The following ACER3 variants were observed in gnomAD, a reference collection of about 807,000 sequenced individuals.
ACER3 encodes alkCDase 3.
A neutral mutation model predicts 48.9 loss-of-function variants in ACER3; 16 were observed. That is an observed-to-expected ratio of 0.33 (90% CI 0.22 to 0.50). ACER3 has a LOEUF of 0.50. Among genes scored for constraint, ACER3 ranks in the 20% least tolerant of loss-of-function variants. The pLI is 0.98. For synonymous variants in ACER3, 109 were observed against 107.8 expected, an observed-to-expected ratio of 1.01 and a Z score of -0.07; for missense variants, 227 against 326.0, an observed-to-expected ratio of 0.70 and a Z score of 2.34.
chr11:76,861,796 C>T (rs565344896), intron 1 of ACER3, among the ~76,000 whole-genome samples: 1 of 152,304 alleles, frequency 6.6e-6, no homozygotes, highest in South Asian at 2.1e-4. Flanking sequence ...AGTCCCTGCT[C>T]CATTCTGTCC....
rs984131175 is a variant in ACER3 at position 77,026,119 on chromosome 11, A to G, written c.*5792A>G. ...CAATATAAAGGGAATTCCATTCTAT[A>G]CTGTAAAATCCAAAAATGCTAGTTG... On this transcript the variant is annotated 3_prime_UTR_variant, in exon 11 of 11. Coordinates refer to ENST00000532485, the MANE Select transcript of ACER3 (RefSeq NM_018367.7). 2.6e-5 allele frequency: 4 copies of G among 152,204 alleles called. No individual in the cohort carries two copies. Among genetic ancestry groups the G allele is most frequent in the Non-Finnish European group, 5.9e-5 (4 of 68,034 alleles). The allele number at this position is 152,204 out of a possible 1,614,324, so 9.4% of individuals were successfully genotyped here.
intron 6 of ACER3, among the ~76,000 whole-genome samples, chr11:76,997,965 C>T (rs1948950510): frequency 6.6e-6 from 1 of 152,056 alleles, no homozygotes; most frequent in African/African-American, 2.4e-5. Flanking sequence ...TAAAGAAAAG[C>T]AAAACAATGT....
At chr11:76,955,605 A>G (rs1345487337) in intron 2 of ACER3, 1 of 152,190 alleles carries the variant, frequency 6.6e-6, no homozygotes, top group Non-Finnish European at 1.5e-5. Flanking sequence ...GAGAAGAAGC[A>G]AGCTTCAGTG....
chr11:76,924,367 T>C (rs1946762061), intron 1 of ACER3, among the ~76,000 whole-genome samples: 1 of 152,054 alleles, frequency 6.6e-6, no homozygotes, highest in African/African-American at 2.4e-5. Flanking sequence ...TTTATTTATG[T>C]ATTTATTTAT....
At chr11:76,940,967 A>G (rs1947322842) in intron 2 of ACER3, among the ~76,000 whole-genome samples, 1 of 151,616 alleles carries the variant, frequency 6.6e-6, no homozygotes, top group Admixed American at 6.6e-5. Context: ...TCTTGTTTGA[A>G]TTTTACACTG....
At position 76,965,804 on chromosome 11, in the gene ACER3, G is replaced by C. The variant is rs373014942; in HGVS notation, c.267+6773G>C. 1.0e-3 allele frequency among the ~76,000 whole-genome samples: 152 copies of C among 151,280 alleles called. 2 individuals are homozygous for C. The East Asian group carries it at 0.025, about 25-fold the overall frequency. ...GCCCTGCCCTAAAAGAGCTCCTGAA[G>C]GAAGCACTAAACATGGAAAGGAACA... On this transcript the variant is annotated intron_variant, in intron 3 of 10. Coordinates refer to ENST00000532485, the MANE Select transcript of ACER3 (RefSeq NM_018367.7).
At chr11:76,863,217 C>T (rs1241111309) in intron 1 of ACER3, among the ~76,000 whole-genome samples, 1 of 151,974 alleles carries the variant, frequency 6.6e-6, no homozygotes, top group Non-Finnish European at 1.5e-5. Flanking sequence ...AGAGTTAGAC[C>T]CTATTTCTAC....
intron 1 of ACER3, among the ~76,000 whole-genome samples, chr11:76,899,181 T>A (rs939310446): frequency 9.9e-5 from 15 of 152,180 alleles, no homozygotes; most frequent in Non-Finnish European, 2.2e-4. Flanking sequence ...ACAACACTAC[T>A]AATATAATAG....
intron 1 of ACER3, among the ~76,000 whole-genome samples, chr11:76,882,453 T>C (rs1265160400): frequency 1.3e-5 from 2 of 152,222 alleles, no homozygotes; most frequent in Non-Finnish European, 2.9e-5. Flanking sequence ...TTTTCAGTTG[T>C]AGAGTGTCCA....
At chr11:77,012,416 CAAAAAAAAAAAAAA>C (rs35917677) in intron 7 of ACER3, among the ~76,000 whole-genome samples, 4 of 21,386 alleles carry the variant, frequency 1.9e-4, no homozygotes, top group African/African-American at 5.8e-4. Flanking sequence ...GACTCCATCT[CAAAAAAAAAAAAAA>C]AAAAAAAAAA....
intron 5 of ACER3, among the ~76,000 whole-genome samples, chr11:76,989,161 A>G (rs1317580931): frequency 6.6e-6 from 1 of 152,016 alleles, no homozygotes; most frequent in Non-Finnish European, 1.5e-5. Flanking sequence ...GATTAAAAGC[A>G]TTCTCCCTTA....
rs1949527781 is a variant in ACER3 at position 77,024,841 on chromosome 11, CA to C, written c.*4516del. 1 of 152,132 alleles carries C rather than the reference CA, an allele frequency of 6.6e-6. No individual in the cohort carries two copies. The allele number at this position is 152,132 out of a possible 1,614,324, so 9.4% of individuals were successfully genotyped here. A position where few individuals can be genotyped will look rare whatever the true frequency, so the allele number is the denominator to read the frequency against. ...GGCAGCTAGTGTAGAAGACTGGTCA[CA>C]AGAATTTTTTTTTAAATAGAAAACC... On this transcript the variant is annotated 3_prime_UTR_variant, in exon 11 of 11. Transcript: ENST00000532485.
chr11:77,015,393 C>T, intron 8 of ACER3: 1 of 254,952 alleles, frequency 3.9e-6, no homozygotes, highest in East Asian at 9.7e-5. Flanking sequence ...GTTGACTATT[C>T]CTTTGAAACA....
At chr11:76,969,753 C>T (rs1411652840) in intron 3 of ACER3, among the ~76,000 whole-genome samples, 7 of 131,630 alleles carry the variant, frequency 5.3e-5, no homozygotes, top group Non-Finnish European at 9.1e-5. Flanking sequence ...CATGACAACA[C>T]GTGGACACAG....
intron 4 of ACER3, among the ~76,000 whole-genome samples, chr11:76,983,289 T>C (rs574059433): frequency 6.6e-6 from 1 of 152,316 alleles, no homozygotes; most frequent in Admixed American, 6.5e-5. Context: ...CCTATGTTTT[T>C]CATGGTTAGG....
intron 2 of ACER3, among the ~76,000 whole-genome samples, chr11:76,940,878 G>A (rs974878010): frequency 4.6e-5 from 7 of 152,036 alleles, no homozygotes; most frequent in Admixed American, 3.3e-4. Context: ...ATGTTCGATG[G>A]ATAAGTGAAT....
chr11:76,962,248 A>C (rs1362468018), intron 3 of ACER3, among the ~76,000 whole-genome samples: 5 of 90,444 alleles, frequency 5.5e-5, no homozygotes, highest in African/African-American at 1.0e-4. Context: ...ATGGAGTCTC[A>C]CTCTGTCGCC....
At chr11:76,898,835 C>T (rs1414579636) in intron 1 of ACER3, among the ~76,000 whole-genome samples, 2 of 125,408 alleles carry the variant, frequency 1.6e-5, no homozygotes, top group East Asian at 2.6e-4. Flanking sequence ...ACCCGGGAGG[C>T]GGAGCTTGCA....
intron 1 of ACER3, among the ~76,000 whole-genome samples, chr11:76,877,132 T>C (rs1945402037): frequency 1.3e-5 from 2 of 152,176 alleles, no homozygotes; most frequent in Admixed American, 1.3e-4. Flanking sequence ...ATTTTATTTA[T>C]ACCTGCAATG....
Sources: gnomAD v4.1 joint callset for allele counts (sites outside exome capture counted in the v4.1 genomes callset) on GRCh38, gnomAD v4.1.1 for gene constraint, MANE v1.5 for transcripts, NCBI Gene and HGNC (gene_info 2026-07-23, HGNC 2026-07-21) for gene names.